FNIP2: variants seen among roughly 807,000 people sequenced by gnomAD.
FNIP2 encodes the protein folliculin-interacting protein 2.
In FNIP2, 32 loss-of-function variants were observed where a neutral mutation model predicts 108.7. The observed-to-expected ratio is 0.29, with a 90% CI of 0.22 to 0.40. The LOEUF (loss-of-function observed/expected upper bound fraction) is 0.40. Ranked by LOEUF, FNIP2 falls within the 10% of genes least tolerant of loss-of-function variation. The pLI, the probability that FNIP2 is intolerant of heterozygous loss-of-function variation, is 1.00. For missense variants in FNIP2, 1,202 were observed against 1,381.6 expected (o/e 0.87, Z 2.06); for synonymous variants, 480 against 496.7 (o/e 0.97, Z 0.45).
At chr4:158,845,596 C>G (rs1352468539) in intron 7 of FNIP2, among the ~76,000 whole-genome samples, 1 of 152,220 alleles carries the variant, frequency 6.6e-6, no homozygotes, top group Non-Finnish European at 1.5e-5. Context: ...CCAGGTGGCT[C>G]AGATGTATAC....
chr4:158,873,908 G>T (rs545560319), intron 14 of FNIP2, among the ~76,000 whole-genome samples: 10 of 152,182 alleles, frequency 6.6e-5, no homozygotes, highest in Non-Finnish European at 1.2e-4. Flanking sequence ...AGGCGTATGC[G>T]CCAGCAGCAT....
At chr4:158,875,217 A>G (rs1325093690) in intron 14 of FNIP2, among the ~76,000 whole-genome samples, 1 of 152,158 alleles carries the variant, frequency 6.6e-6, no homozygotes, top group Admixed American at 6.5e-5. Context: ...GAACCTGTAC[A>G]CACATTCATT....
intron 13 of FNIP2, 58 bp from the exon 14 acceptor site, chr4:158,870,255 A>G (rs1780860511): frequency 3.2e-6 from 5 of 1,575,298 alleles, no homozygotes; most frequent in Non-Finnish European, 4.3e-6. Flanking sequence ...ACCAATTATA[A>G]TGAAAGAAAA....
chr4:158,777,363 T>C (rs1020066813), intron 1 of FNIP2, among the ~76,000 whole-genome samples: 1 of 152,248 alleles, frequency 6.6e-6, no homozygotes, highest in African/African-American at 2.4e-5. Context: ...TATATTTGCA[T>C]GTTAAATGAA....
chr4:158,817,126 T>A (rs913054459), intron 1 of FNIP2, among the ~76,000 whole-genome samples: 1 of 152,040 alleles, frequency 6.6e-6, no homozygotes, highest in Non-Finnish European at 1.5e-5. Context: ...CTGACCTCTG[T>A]GGGTTTTTTA....
intron 15 of FNIP2, among the ~76,000 whole-genome samples, chr4:158,894,359 A>G (rs1406968394): frequency 6.6e-6 from 1 of 151,884 alleles, no homozygotes; most frequent in Non-Finnish European, 1.5e-5. Context: ...TTTTGTAGAG[A>G]CAGAGGCTCA....
chr4:158,870,868 C>T lies in FNIP2; in HGVS notation c.2949+399C>T, dbSNP rs185404267. Among the ~76,000 whole-genome samples the T allele has an allele frequency of 3.9e-5, 6 of 152,360 alleles. No individual in the cohort carries two copies. In the East Asian group the frequency reaches 1.2e-3, roughly 29 times the overall value. ...AGCAGGGGCACAGCTGATGCAGACA[C>T]ACAGCCTTGTGGTGCATAGAGGTCA... On this transcript the variant is annotated intron_variant, in intron 14 of 16. Transcript: ENST00000264433.
At position 158,831,863 on chromosome 4, in the gene FNIP2, C is replaced by T; in HGVS notation, c.384C>T (p.Tyr128=). ...TGATTTTGTTTTCTTGCATGTAGTA[C>T]ACAAGACCAGCTTCCGATGTCAACA... is the stretch of plus-strand genomic sequence containing the variant. ...HAKEQLPKYQ[Y]TRPASDVNML... Residue 128 remains tyrosine (Y), a splice_region_variant and synonymous_variant, in exon 4 of 17, where the codon TAC becomes TAT. Coordinates refer to ENST00000264433, the MANE Select transcript of FNIP2 (RefSeq NM_020840.3). 6.2e-7 allele frequency: 1 copy of T among 1,608,800 alleles called. No homozygotes were observed. Among genetic ancestry groups the T allele is most frequent in the South Asian group, 1.1e-5 (1 of 89,964 alleles).
intron 1 of FNIP2, among the ~76,000 whole-genome samples, chr4:158,823,210 A>C (rs1010901513): frequency 1.3e-5 from 2 of 152,208 alleles, no homozygotes; most frequent in Non-Finnish European, 2.9e-5. Context: ...CAAAATCAAC[A>C]TATGTACTAT....
chr4:158,860,945 C>T (rs181909428), intron 10 of FNIP2, among the ~76,000 whole-genome samples: 37 of 152,248 alleles, frequency 2.4e-4, no homozygotes, highest in Admixed American at 7.8e-4. Flanking sequence ...TGAGCCACCA[C>T]GCCCGGCTGA....
chr4:158,853,940 G>T (rs1213130435), intron 8 of FNIP2, among the ~76,000 whole-genome samples: 1 of 152,110 alleles, frequency 6.6e-6, no homozygotes, highest in Admixed American at 6.5e-5. Flanking sequence ...CTATCACTGT[G>T]TCCTCAATTA....
chr4:158,769,539 C>A (rs368202287), intron 1 of FNIP2, among the ~76,000 whole-genome samples: 11 of 152,228 alleles, frequency 7.2e-5, no homozygotes, highest in African/African-American at 2.4e-5. Flanking sequence ...AACTCAGGGT[C>A]CTTCCCCATT....
intron 10 of FNIP2, among the ~76,000 whole-genome samples, chr4:158,860,654 C>CTT (rs34208761): frequency 1.1e-3 from 129 of 121,084 alleles, no homozygotes; most frequent in Non-Finnish European, 1.3e-3. Flanking sequence ...CTGGGTCCCA[C>CTT]TTTTTTTTTT....
At chr4:158,891,308 C>T (rs1782266146) in intron 14 of FNIP2, 138 bp from the exon 15 acceptor site, 2 of 691,676 alleles carry the variant, frequency 2.9e-6, no homozygotes, top group Non-Finnish European at 4.7e-6. Context: ...GCATAATTTA[C>T]CAGTTGTTAA....
intron 8 of FNIP2, among the ~76,000 whole-genome samples, chr4:158,857,076 A>G (rs1560805392): frequency 6.6e-6 from 1 of 152,208 alleles, no homozygotes; most frequent in Non-Finnish European, 1.5e-5. Flanking sequence ...TCTCTCCTAC[A>G]TTAAAACTGA....
In FNIP2 at chr4:158,868,407, C is replaced by G; in HGVS notation, c.1771C>G (p.His591Asp). 1.9e-6 allele frequency: 3 copies of G among 1,614,004 alleles called. No individual in the cohort carries two copies. The highest frequency in any genetic ancestry group is 2.5e-6 in the Non-Finnish European group (3 of 1,179,906). ...PILPPTAAER[H>D]NPWPTGFPEC... ...CCTACCACCAACAGCAGCAGAGAGACACAACCCCTGGCCGACAGGGTTTCC... is the reference window on the plus strand; with the variant it reads ...CCTACCACCAACAGCAGCAGAGAGAGACAACCCCTGGCCGACAGGGTTTCC... The change falls in exon 13 of 17, where the codon CAC (histidine) becomes GAC (aspartate). Residue 591 changes from histidine (H) to aspartate (D), a missense_variant. Transcript: ENST00000264433. This position sits in a 1 kb window ranked among gnomAD's most constrained non-coding sequence, Gnocchi z 4.6.
rs116564485 is a variant in FNIP2 at position 158,885,985 on chromosome 4, C to T, written c.2950-5461C>T. 2.3e-3 allele frequency among the ~76,000 whole-genome samples: 348 copies of T among 152,272 alleles called. 1 individual carries two copies. Among genetic ancestry groups the T allele is most frequent in the African/African-American group, 7.3e-3 (302 of 41,560 alleles). On this transcript the variant is annotated intron_variant, in intron 14 of 16. Coordinates refer to ENST00000264433, the MANE Select transcript of FNIP2 (RefSeq NM_020840.3). ...ATCAAGGCAGCATATTTTGTGTGTG[C>T]GGCAATCTGACCTAAAACCTTGAAA...
At chr4:158,904,399 G>GAAAT (rs1729644405) in intron 16 of FNIP2, 67 bp from the exon 17 acceptor site, 1 of 1,373,166 alleles carries the variant, frequency 7.3e-7, no homozygotes, top group Admixed American at 1.7e-5. Flanking sequence ...CTCATAAAAA[G>GAAAT]AAATAATACT....
At chr4:158,842,797 AG>A (rs1215913336) in intron 7 of FNIP2, among the ~76,000 whole-genome samples, 1 of 152,162 alleles carries the variant, frequency 6.6e-6, no homozygotes, top group African/African-American at 2.4e-5. Context: ...TTTTTATTAA[AG>A]GGCCTTTATA....
Sources: gnomAD v4.1 joint callset for allele counts (sites outside exome capture counted in the v4.1 genomes callset) on GRCh38, gnomAD v4.1.1 for gene constraint, Gnocchi (gnomAD v3.1) non-coding constraint, MANE v1.5 for transcripts, NCBI Gene and HGNC (gene_info 2026-07-23, HGNC 2026-07-21) for gene names.